Variants in DPP10 observed in about 807,000 individuals in gnomAD.
DPP10 encodes the protein dipeptidyl peptidase like 10.
A neutral mutation model predicts 120.9 loss-of-function variants in DPP10; 33 were observed. That is an observed-to-expected ratio of 0.27 (90% CI 0.21 to 0.37). The LOEUF is 0.37. Ranked by LOEUF, DPP10 falls within the 10% of genes least tolerant of loss-of-function variation. The pLI is 1.00. For missense variants in DPP10, 816 were observed against 942.8 expected (o/e 0.87, Z 1.76); for synonymous variants, 337 against 326.1 (o/e 1.03, Z -0.36).
chr2:114,460,203 ATC>A (rs1678816351), intron 1 of DPP10, among the ~76,000 whole-genome samples: 1 of 151,894 alleles, frequency 6.6e-6, no homozygotes, highest in East Asian at 1.9e-4. Context: ...CTATCTATCT[ATC>A]TATCTATCTA....
chr2:115,621,278 G>T (rs1237587508), intron 5 of DPP10, among the ~76,000 whole-genome samples: 1 of 152,156 alleles, frequency 6.6e-6, no homozygotes, highest in Non-Finnish European at 1.5e-5. Context: ...GAAGTGGAAA[G>T]AAGGATAAAT....
chr2:115,168,284 A>G (rs1188639907), intron 1 of DPP10, among the ~76,000 whole-genome samples: 1 of 152,216 alleles, frequency 6.6e-6, no homozygotes, highest in African/African-American at 2.4e-5. Flanking sequence ...AACCAAGTTC[A>G]TGTATGACTA....
chr2:115,431,575 T>G (rs1307754069), intron 3 of DPP10, among the ~76,000 whole-genome samples: 1 of 152,166 alleles, frequency 6.6e-6, no homozygotes, highest in Non-Finnish European at 1.5e-5. Context: ...GCACCACTCT[T>G]TAGAGCTTTA....
intron 1 of DPP10, among the ~76,000 whole-genome samples, chr2:114,570,710 G>A (rs1281622307): frequency 2.0e-5 from 3 of 151,578 alleles, no homozygotes; most frequent in Admixed American, 6.6e-5. Flanking sequence ...GCGGGCGCCT[G>A]TAGTCCCAGC....
intron 1 of DPP10, among the ~76,000 whole-genome samples, chr2:115,211,010 T>C (rs892693098): frequency 2.0e-5 from 3 of 152,184 alleles, no homozygotes; most frequent in African/African-American, 7.2e-5. Context: ...AGGTAATTTG[T>C]TTATTTTGCC....
chr2:114,757,910 C>T (rs539818622), intron 1 of DPP10, among the ~76,000 whole-genome samples: 1 of 152,260 alleles, frequency 6.6e-6, no homozygotes, highest in South Asian at 2.1e-4. Context: ...ACTCCCTTTC[C>T]ATGCAAATAC....
At chr2:115,221,780 C>G (rs1359179501) in intron 1 of DPP10, among the ~76,000 whole-genome samples, 1 of 57,382 alleles carries the variant, frequency 1.7e-5, no homozygotes, top group African/African-American at 8.0e-5. Flanking sequence ...TTTTTTTTTT[C>G]TATGAGCTAA....
chr2:114,653,651 C>A (rs1199859165), intron 1 of DPP10, among the ~76,000 whole-genome samples: 2 of 152,232 alleles, frequency 1.3e-5, no homozygotes, highest in Admixed American at 6.5e-5. Flanking sequence ...TTCTCAGTGT[C>A]CTTCAATAAG....
chr2:114,826,582 G>A (rs192915443), intron 1 of DPP10, among the ~76,000 whole-genome samples: 6 of 152,262 alleles, frequency 3.9e-5, no homozygotes, highest in Admixed American at 6.5e-5. Context: ...CCAGGCTAGC[G>A]TGCAATGTCA....
intron 1 of DPP10, chr2:115,144,500 T>A (rs1031914506): frequency 1.3e-5 from 2 of 151,710 alleles, no homozygotes; most frequent in African/African-American, 4.8e-5. Flanking sequence ...CTGACCCACG[T>A]TTGTAGTTCA....
intron 1 of DPP10, among the ~76,000 whole-genome samples, chr2:114,539,133 T>A (rs944369388): frequency 1.3e-5 from 2 of 148,972 alleles, no homozygotes; most frequent in Admixed American, 1.3e-4. Flanking sequence ...TTTATATATA[T>A]AAATATATTT....
chr2:115,562,072 A>G (rs1410228078), intron 5 of DPP10, among the ~76,000 whole-genome samples: 1 of 152,216 alleles, frequency 6.6e-6, no homozygotes, highest in East Asian at 1.9e-4. Context: ...GAGCCAGTAT[A>G]TAAAGTAGGT....
chr2:115,173,715 T>C (rs2053520170), intron 1 of DPP10, among the ~76,000 whole-genome samples: 2 of 152,172 alleles, frequency 1.3e-5, no homozygotes, highest in South Asian at 4.1e-4. Flanking sequence ...CACTGTGGGC[T>C]CATAGTTCTG....
chr2:115,178,920 A>G (rs1573909466), intron 1 of DPP10, among the ~76,000 whole-genome samples: 1 of 152,248 alleles, frequency 6.6e-6, no homozygotes, highest in South Asian at 2.1e-4. Context: ...TGTGGTTTCT[A>G]CTGGATGTGT....
At chr2:115,186,099 C>G (rs1056707392) in intron 1 of DPP10, among the ~76,000 whole-genome samples, 19 of 152,134 alleles carry the variant, frequency 1.2e-4, no homozygotes, top group Admixed American at 9.2e-4. Flanking sequence ...ATGTCTAACC[C>G]TTTTATAAGT....
At chr2:115,285,796 A>G (rs1472153390) in intron 1 of DPP10, among the ~76,000 whole-genome samples, 1 of 152,078 alleles carries the variant, frequency 6.6e-6, no homozygotes, top group South Asian at 2.1e-4. Flanking sequence ...GTTTAATTAC[A>G]TTAGAGCTGC....
intron 21 of DPP10, among the ~76,000 whole-genome samples, chr2:115,819,646 A>G (rs920474521): frequency 2.0e-5 from 3 of 151,740 alleles, no homozygotes; most frequent in Admixed American, 2.0e-4. Flanking sequence ...ACATTTTTTC[A>G]TCAATTATTA....
intron 2 of DPP10, among the ~76,000 whole-genome samples, chr2:115,339,278 T>G (rs1169024707): frequency 2.6e-5 from 4 of 152,096 alleles, no homozygotes; most frequent in African/African-American, 7.2e-5. Context: ...TACACGTATA[T>G]AAGAATAGCC....
At chr2:115,052,030 C>T (rs913050810) in intron 1 of DPP10, among the ~76,000 whole-genome samples, 2 of 152,122 alleles carry the variant, frequency 1.3e-5, no homozygotes, top group Non-Finnish European at 2.9e-5. Flanking sequence ...AATCCTAGTA[C>T]TTATGTTCAA....
Sources: gnomAD v4.1 joint callset for allele counts (sites outside exome capture counted in the v4.1 genomes callset) on GRCh38, gnomAD v4.1.1 for gene constraint, MANE v1.5 for transcripts, NCBI Gene and HGNC (gene_info 2026-07-23, HGNC 2026-07-21) for gene names.